Variants in CYP46A1 observed in about 807,000 individuals in gnomAD.
CYP46A1 encodes cytochrome P450 family 46 subfamily A member 1.
A neutral mutation model predicts 63.3 loss-of-function variants in CYP46A1; 20 were observed. That is an observed-to-expected ratio of 0.32 (90% confidence interval 0.22 to 0.46). The LOEUF is 0.46. CYP46A1 is among the 20% of genes least tolerant of loss of function. The pLI is 1.00. For synonymous variants in CYP46A1, 268 were observed against 273.6 expected (o/e 0.98, Z 0.20); for missense variants, 445 against 670.8 (o/e 0.66, Z 3.72).
rs180678415 is a variant in CYP46A1 at position 99,702,526 on chromosome 14, C to G, written c.443+2425C>G. ...ATTTTAACATTGGAAAGAAGGTAAT[C>G]TTTGATATAATTTTGAATTTATAGA... is the stretch of plus-strand genomic sequence containing the variant. On this transcript the variant is annotated intron_variant, in intron 5 of 14. Coordinates refer to ENST00000261835, the MANE Select transcript of CYP46A1 (RefSeq NM_006668.2). 8.2e-3 allele frequency among the ~76,000 whole-genome samples: 1,249 copies of G among 152,188 alleles called. 7 individuals are homozygous for G. Among genetic ancestry groups the G allele is most frequent in the Non-Finnish European group, 0.015 (1,033 of 67,994 alleles).
At chr14:99,690,825 G>GC (rs1399013426) in intron 1 of CYP46A1, among the ~76,000 whole-genome samples, 1 of 152,108 alleles carries the variant, frequency 6.6e-6, no homozygotes, top group African/African-American at 2.4e-5. Context: ...CTTTCTATCT[G>GC]CCAGCCCCCA....
At chr14:99,726,334 C>T (rs2056897149) in intron 14 of CYP46A1, 78 bp downstream of exon 14, 36 of 1,436,338 alleles carry the variant, frequency 2.5e-5, no homozygotes, top group South Asian at 7.2e-5. Context: ...GAAGCATCTC[C>T]GAACCCCTGC....
chr14:99,716,310 C>T lies in CYP46A1; in HGVS notation c.907+111C>T, dbSNP rs901060761. The T allele has an allele frequency of 6.3e-6, 7 of 1,119,186 alleles. No individual in the cohort carries two copies. The South Asian group carries it at 9.1e-5, about 15-fold the overall frequency. The allele number at this position is 1,119,186 out of a possible 1,614,324, so 69.3% of individuals were successfully genotyped here. A position where few individuals can be genotyped will look rare whatever the true frequency, so the allele number is the denominator to read the frequency against. On this transcript the variant is annotated intron_variant, in intron 9 of 14. Transcript: ENST00000261835. ...TTTTTTGGGCTATCTGAGCAGAGCT[C>T]ACCGCAGGGCTAGGGGGCTGGGCTG...
intron 3 of CYP46A1, among the ~76,000 whole-genome samples, chr14:99,694,577 G>T (rs1411356526): frequency 6.7e-6 from 1 of 149,964 alleles, no homozygotes; most frequent in African/African-American, 2.5e-5. Context: ...TCAGCTTACT[G>T]CAACCTCTGC....
chr14:99,684,629 C>A, intron 1 of CYP46A1, 93 bp downstream of exon 1: 2 of 1,144,390 alleles, frequency 1.7e-6, no homozygotes, highest in Non-Finnish European at 2.5e-6. Context: ...GGGGTCCGGC[C>A]TCGCCTAGTG....
intron 7 of CYP46A1, among the ~76,000 whole-genome samples, chr14:99,714,782 G>T (rs868413123): frequency 2.0e-5 from 3 of 146,516 alleles, no homozygotes; most frequent in African/African-American, 7.5e-5. Context: ...AAAAAGAAAA[G>T]AAAATTTGAT....
chr14:99,706,976 G>A lies in CYP46A1; in HGVS notation c.582+191G>A, dbSNP rs77812784. On this transcript the variant is annotated intron_variant, in intron 6 of 14. Transcript: ENST00000261835. Reference sequence around the variant, plus strand: ...CAAAGCAACCTAGTGTGAGATTGGGGCTAGTAACTCATTCTTGAGCAAGGG... The same window carrying A: ...CAAAGCAACCTAGTGTGAGATTGGGACTAGTAACTCATTCTTGAGCAAGGG... Among the ~76,000 whole-genome samples, 1,387 of 152,320 alleles carry A rather than the reference G, an allele frequency of 9.1e-3. 20 individuals are homozygous for A. Among genetic ancestry groups the A allele is most frequent in the African/African-American group, 0.032 (1,316 of 41,560 alleles).
At chr14:99,709,165 C>T (rs1420447054) in intron 7 of CYP46A1, 2 of 152,032 alleles carry the variant, frequency 1.3e-5, no homozygotes, top group Non-Finnish European at 2.9e-5. Context: ...AAATACTATA[C>T]CTTCAAAGAA....
At chr14:99,691,924 G>A in intron 3 of CYP46A1, 63 bp downstream of exon 3, 7 of 1,522,610 alleles carry the variant, frequency 4.6e-6, no homozygotes, top group Non-Finnish European at 6.4e-6. Context: ...GGGGAGTGAA[G>A]CCTGGTCCCA....
intron 3 of CYP46A1, chr14:99,695,604 T>TTTATTA (rs3070460): frequency 0.22 from 31,726 of 142,598 alleles, 3,672 homozygotes; most frequent in Non-Finnish European, 0.23. Flanking sequence ...CCATTCCAGC[T>TTTATTA]TTATTATTAT....
chr14:99,684,351 G>T lies in CYP46A1; in HGVS notation c.-67G>T. The stretch of plus-strand genomic sequence containing the variant: ...GCGCGCGGCGCTGACAGCTGAGTCG[G>T]CTCGCGGCCTCCCGGCCCCCTCGGC... On this transcript the variant is annotated 5_prime_UTR_variant, in exon 1 of 15. Transcript: ENST00000261835. The T allele has an allele frequency of 9.9e-7, 1 of 1,011,694 alleles. No homozygotes were observed. Among genetic ancestry groups the T allele is most frequent in the Non-Finnish European group, 1.3e-6 (1 of 791,044 alleles). 62.7% of individuals were successfully genotyped at this position (1,011,694 alleles called of 1,614,324 possible).
At chr14:99,711,175 T>G (rs1188896505) in intron 7 of CYP46A1, 1 of 152,074 alleles carries the variant, frequency 6.6e-6, no homozygotes, top group Non-Finnish European at 1.5e-5. Context: ...AGAGCGATGT[T>G]TATAACAGTA....
intron 12 of CYP46A1, among the ~76,000 whole-genome samples, chr14:99,723,367 G>A (rs1377061477): frequency 6.6e-6 from 1 of 152,150 alleles, no homozygotes; most frequent in Non-Finnish European, 1.5e-5. Flanking sequence ...GGAGTGCAGT[G>A]GCGCCATCTC....
At position 99,722,154 on chromosome 14, in the gene CYP46A1, C is replaced by A; in HGVS notation, c.1176+88C>A. The stretch of plus-strand genomic sequence containing the variant: ...TGGGACTCACCAGGGGAGCCTGTGG[C>A]CCTGTTCCCATCATTGCAACGGGCC... On this transcript the variant is annotated intron_variant, in intron 12 of 14. Coordinates refer to ENST00000261835, the MANE Select transcript of CYP46A1 (RefSeq NM_006668.2). The surrounding 1 kb of genome is among the most constrained non-coding windows in gnomAD (Gnocchi z 4.6). 1 of 959,540 alleles carries A rather than the reference C, an allele frequency of 1.0e-6. No individual in the cohort carries two copies. The highest frequency in any genetic ancestry group is 1.6e-6 in the Non-Finnish European group (1 of 626,468). 59.4% of individuals were successfully genotyped at this position (959,540 alleles called of 1,614,324 possible). A position where few individuals can be genotyped will look rare whatever the true frequency, so the allele number is the denominator to read the frequency against.
chr14:99,725,486 C>G lies in CYP46A1; in HGVS notation c.1265+7C>G, dbSNP rs1004967074. The G allele has an allele frequency of 6.2e-7, 1 of 1,610,408 alleles. No homozygotes were observed. Among genetic ancestry groups the G allele is most frequent in the South Asian group, 1.1e-5 (1 of 91,010 alleles). The stretch of plus-strand genomic sequence containing the variant: ...TCGGCCCTGGAGCACCCAAGTAAGT[C>G]CCTCCTGGAGCTGCCCATGAGTGGG... On this transcript the variant is annotated splice_region_variant and intron_variant, in intron 13 of 14. Coordinates refer to ENST00000261835, the MANE Select transcript of CYP46A1 (RefSeq NM_006668.2). The surrounding 1 kb of genome is among the most constrained non-coding windows in gnomAD (Gnocchi z 4.2).
chr14:99,702,276 A>C (rs1055174101), intron 5 of CYP46A1, among the ~76,000 whole-genome samples: 3 of 152,148 alleles, frequency 2.0e-5, no homozygotes, highest in African/African-American at 7.2e-5. Flanking sequence ...TGTCATCTAT[A>C]TTAATGCCTC....
chr14:99,710,759 A>C (rs974057461), intron 7 of CYP46A1: 2 of 152,198 alleles, frequency 1.3e-5, no homozygotes, highest in African/African-American at 2.4e-5. Context: ...TGGACAGATC[A>C]TCTAGACAGA....
chr14:99,726,773 C>A lies in CYP46A1; in HGVS notation c.*46C>A. On this transcript the variant is annotated 3_prime_UTR_variant, in exon 15 of 15. Coordinates refer to ENST00000261835, the MANE Select transcript of CYP46A1 (RefSeq NM_006668.2). The stretch of plus-strand genomic sequence containing the variant: ...AGACTCCTCGGGCAAGGGCCGTGCC[C>A]GCCCACCTCTGCTGCCCACGGCCAC... The A allele has an allele frequency of 7.0e-7, 1 of 1,423,392 alleles. No homozygotes were observed. The highest frequency in any genetic ancestry group is 1.4e-5 in the South Asian group (1 of 69,598). 88.2% of individuals were successfully genotyped at this position (1,423,392 alleles called of 1,614,324 possible). A position where few individuals can be genotyped will look rare whatever the true frequency, so the allele number is the denominator to read the frequency against.
intron 5 of CYP46A1, among the ~76,000 whole-genome samples, chr14:99,702,275 T>C (rs564524790): frequency 1.3e-5 from 2 of 152,312 alleles, no homozygotes; most frequent in Non-Finnish European, 2.9e-5. Context: ...GTGTCATCTA[T>C]ATTAATGCCT....
Sources: gnomAD v4.1 joint callset for allele counts (sites outside exome capture counted in the v4.1 genomes callset) on GRCh38, gnomAD v4.1.1 for gene constraint, Gnocchi (gnomAD v3.1) non-coding constraint, MANE v1.5 for transcripts, NCBI Gene and HGNC (gene_info 2026-07-23, HGNC 2026-07-21) for gene names.